The following PHYKPL variants were observed in gnomAD, a reference collection of about 807,000 sequenced individuals.
PHYKPL encodes the protein 5-phosphohydroxy-L-lysine phospho-lyase.
PHYKPL carries 42 observed loss-of-function variants against 51.3 expected under a neutral mutation model. The ratio of observed to expected loss-of-function variants is 0.82; its 90% confidence interval spans 0.64 to 1.06. The LOEUF is 1.06. Among genes scored for constraint, PHYKPL ranks in the 50% least tolerant of loss-of-function variants. The pLI is 0.00. For synonymous variants in PHYKPL, 264 were observed against 236.0 expected (o/e 1.12, Z -1.09); for missense variants, 655 against 586.6 (o/e 1.12, Z -1.20).
chr5:178,222,879 G>A lies in PHYKPL; in HGVS notation c.674C>T (p.Pro225Leu). The change falls in exon 7 of 13, where the codon CCT (proline) becomes CTT (leucine). Residue 225 changes from proline to leucine, a missense_variant. Transcript: ENST00000308158. ...LPSVGGQIIPPAGYFSQVAEH... is the reference protein window; with the variant it reads ...LPSVGGQIIPLAGYFSQVAEH... ...TGCCACTTGGGAGAAGTAGCCAGCA[G>A]GGGGAATGATCTGCCCTCCCACACT... The A allele has an allele frequency of 6.2e-7, 1 of 1,614,170 alleles. No homozygotes were observed. Among genetic ancestry groups the A allele is most frequent in the Non-Finnish European group, 8.5e-7 (1 of 1,180,024 alleles).
At chr5:178,229,827 G>C in intron 3 of PHYKPL, 113 bp downstream of exon 3, 1 of 1,365,334 alleles carries the variant, frequency 7.3e-7, no homozygotes, top group Non-Finnish European at 1.0e-6. Context: ...GGTGCAGTGG[G>C]GGCTGCCTCT....
At chr5:178,227,016 T>A (rs756050723) in intron 3 of PHYKPL, among the ~76,000 whole-genome samples, 8 of 152,166 alleles carry the variant, frequency 5.3e-5, no homozygotes, top group Admixed American at 2.0e-4. Flanking sequence ...CTACGATGGA[T>A]GCCCTGGGAG....
chr5:178,222,690 A>C (rs910692662), intron 7 of PHYKPL, 110 bp from the exon 8 acceptor site: 1 of 1,369,140 alleles, frequency 7.3e-7, no homozygotes, highest in Non-Finnish European at 1.0e-6. Context: ...TAAGGTGGGG[A>C]CCTTGGGCAA....
intron 3 of PHYKPL, chr5:178,226,816 C>T (rs1048182105): frequency 6.6e-6 from 1 of 152,038 alleles, no homozygotes; most frequent in African/African-American, 2.4e-5. Context: ...CTGACACACC[C>T]AATGTTGTAA....
At chr5:178,212,944 A>G in intron 11 of PHYKPL, 29 bp downstream of exon 11, 1 of 1,612,460 alleles carries the variant, frequency 6.2e-7, no homozygotes, top group East Asian at 2.2e-5. Context: ...AGTTCTAGAG[A>G]TATGGCCAAG....
rs1246004409 is a variant in PHYKPL, at chr5:178,232,421, CGTGCGTCGTGCGTGCGCGT to C, written c.59+52_59+70del. ...GAGGCGCGTGCGTAGTGCGTGCGTG[CGTGCGTCGTGCGTGCGCGT>C]GCCTCTCCGCGCAGCCCCGCGCCCC... On this transcript the variant is annotated intron_variant, in intron 1 of 12. Transcript: ENST00000308158. 2.1e-4 allele frequency: 281 copies of C among 1,359,926 alleles called. 4 individuals carry two copies. The South Asian group carries it at 4.6e-3, about 22-fold the overall frequency. 84.2% of individuals were successfully genotyped at this position (1,359,926 alleles called of 1,614,324 possible).
At chr5:178,213,609 A>C (rs1759118818) in intron 10 of PHYKPL, among the ~76,000 whole-genome samples, 1 of 152,240 alleles carries the variant, frequency 6.6e-6, no homozygotes, top group African/African-American at 2.4e-5. Context: ...GCTTTATCTT[A>C]ACATCATTTG....
At chr5:178,207,691 CTTTTTTTTTT>C (rs34424574), downstream of PHYKPL, among the ~76,000 whole-genome samples, 18 of 78,774 alleles carry the variant, frequency 2.3e-4, no homozygotes, top group Non-Finnish European at 2.7e-4. Flanking sequence ...ACTTTGAGCA[CTTTTTTTTTT>C]TTTTTTTTTT....
intron 1 of PHYKPL, 137 bp from the exon 2 acceptor site, chr5:178,231,660 C>A: frequency 6.3e-7 from 1 of 1,586,702 alleles, no homozygotes; most frequent in Non-Finnish European, 8.6e-7. Flanking sequence ...CAAGGTGCTG[C>A]TTCCCTGCCT....
In PHYKPL at chr5:178,224,719, C is replaced by G. The variant is rs760496828; in HGVS notation, c.424G>C (p.Gly142Arg). 2 of 1,613,762 alleles carry G rather than the reference C, an allele frequency of 1.2e-6. No homozygotes were observed. The highest frequency in any genetic ancestry group is 3.3e-5 in the Admixed American group (2 of 60,008). ...ATGTCAATCAGGGAGCTCAGGTGGC[C>G]GTGATACGCACTGGGGAGGAGAAGG... is the stretch of plus-strand genomic sequence containing the variant. ...DVVVLDHAYH[G>R]HLSSLIDISP... Residue 142 changes from glycine (G) to arginine (R), a missense_variant, in exon 5 of 13, where the codon GGC (glycine) becomes CGC (arginine). Transcript: ENST00000308158.
chr5:178,223,590 C>G (rs1032358424), intron 6 of PHYKPL: 1 of 415,244 alleles, frequency 2.4e-6, no homozygotes, highest in Admixed American at 2.6e-5. Flanking sequence ...GAGCAATCTC[C>G]TTTTTTAGGT....
rs1759554429 is a variant in PHYKPL at position 178,215,353 on chromosome 5, A to G, written c.1005T>C (p.His335=). The G allele has an allele frequency of 1.2e-6, 2 of 1,614,060 alleles. No homozygotes were observed. The highest frequency in any genetic ancestry group is 1.7e-6 in the Non-Finnish European group (2 of 1,179,980). ...NVLEKEQLQD[H]ATSVGSFLMQ... ...TCAGGAAGCTGCCTACACTGGTGGC[A>G]TGATCCTGGAGCTGCTCCTTCTCCA... is the stretch of plus-strand genomic sequence containing the variant. Residue 335 remains histidine (H), a synonymous_variant, in exon 9 of 13, where the codon CAT becomes CAC. Coordinates refer to ENST00000308158, the MANE Select transcript of PHYKPL (RefSeq NM_153373.4).
At chr5:178,207,585 T>G (rs1414044271), downstream of PHYKPL, among the ~76,000 whole-genome samples, 1 of 152,042 alleles carries the variant, frequency 6.6e-6, no homozygotes, top group Non-Finnish European at 1.5e-5. Context: ...ATCCTAGAAC[T>G]TCTGCAACTC....
At chr5:178,209,283 C>T in intron 12 of PHYKPL, 1 of 1,472,668 alleles carries the variant, frequency 6.8e-7, no homozygotes, top group South Asian at 1.1e-5. Context: ...GCAGTCACTG[C>T]CCTGAGTTTG....
chr5:178,223,309 C>A, intron 6 of PHYKPL: 1 of 452,442 alleles, frequency 2.2e-6, no homozygotes, highest in Non-Finnish European at 4.4e-6. Context: ...TTGCCCTCTG[C>A]CTGGACATGC....
chr5:178,213,152 C>G, intron 10 of PHYKPL, 49 bp from the exon 11 acceptor site: 1 of 1,603,872 alleles, frequency 6.2e-7, no homozygotes, highest in Non-Finnish European at 8.5e-7. Flanking sequence ...CCTTCCTCAG[C>G]CTGGCCTTGG....
chr5:178,229,351 G>A (rs1581372807), intron 3 of PHYKPL, among the ~76,000 whole-genome samples: 1 of 152,190 alleles, frequency 6.6e-6, no homozygotes. Context: ...CAGGTGATCC[G>A]CCCACCTCGA....
intron 9 of PHYKPL, 129 bp downstream of exon 9, chr5:178,215,147 C>T (rs1219004953): frequency 1.4e-6 from 2 of 1,461,940 alleles, no homozygotes; most frequent in Admixed American, 4.0e-5. Flanking sequence ...GGCAATAGCA[C>T]CTCTCAGTGT....
chr5:178,232,358 G>C, intron 1 of PHYKPL, 134 bp downstream of exon 1: 3 of 1,290,180 alleles, frequency 2.3e-6, no homozygotes, highest in Non-Finnish European at 2.9e-6. Flanking sequence ...GGCCGGGGCA[G>C]CGGCCGGACG....
Sources: allele counts gnomAD v4.1 joint callset (sites outside exome capture counted in the v4.1 genomes callset), GRCh38; gene constraint gnomAD v4.1.1; transcripts MANE v1.5; gene names NCBI Gene and HGNC (gene_info 2026-07-23, HGNC 2026-07-21).